The following NAV1 variants were observed in gnomAD, a reference collection of about 807,000 sequenced individuals.
NAV1 encodes the protein pore membrane and/or filament interacting like protein 3.
In NAV1, 18 loss-of-function variants were observed where a neutral mutation model predicts 175.2. The ratio of observed to expected loss-of-function variants is 0.10; its 90% CI spans 0.07 to 0.15. The LOEUF is 0.15. Ranked by LOEUF, NAV1 falls within the 10% of genes least tolerant of loss-of-function variation. The probability of loss-of-function intolerance (pLI) is 1.00; values close to 1 mark genes in which losing one functional copy is unlikely to be tolerated. For synonymous variants in NAV1, 897 were observed against 978.7 expected (o/e 0.92, Z 1.56); for missense variants, 1,731 against 2,436.6 (o/e 0.71, Z 6.10).
rs566404872 is a variant in NAV1, at chr1:201,672,793, T to C, written c.757+23368T>C. Among the ~76,000 whole-genome samples, 5 of 152,348 alleles carry C rather than the reference T, an allele frequency of 3.3e-5. No individual in the cohort carries two copies. The East Asian group carries it at 9.6e-4, about 29-fold the overall frequency. On this transcript the variant is annotated intron_variant, in intron 1 of 29. Coordinates refer to ENST00000367296, the Ensembl canonical transcript of NAV1. ...GGTCAGAGCAGGACTCAGATGCTTC[T>C]GGAAGGCAAGCTTGGTTTGCATGTT...
intron 3 of NAV1, among the ~76,000 whole-genome samples, chr1:201,773,970 G>A (rs1199558657): frequency 1.3e-5 from 2 of 152,104 alleles, no homozygotes; most frequent in South Asian, 2.1e-4. Context: ...ATAAGAACTC[G>A]CCCCAAATAA....
intron 1 of NAV1, among the ~76,000 whole-genome samples, chr1:201,691,692 G>A (rs899984354): frequency 5.9e-5 from 9 of 152,290 alleles, no homozygotes; most frequent in South Asian, 2.1e-4. Flanking sequence ...GGCTTAGGAC[G>A]CCGTGGAATC....
intron 1 of NAV1, among the ~76,000 whole-genome samples, chr1:201,565,115 C>G (rs926904263): frequency 6.6e-6 from 1 of 152,058 alleles, no homozygotes; most frequent in East Asian, 1.9e-4. Context: ...CTTTGGGGTC[C>G]GTTATTCTGC....
chr1:201,794,680 C>A, intron 15 of NAV1, 103 bp downstream of exon 19: 1 of 1,049,096 alleles, frequency 9.5e-7, no homozygotes, highest in East Asian at 2.6e-5. Flanking sequence ...TATATCAAGT[C>A]TCTAGAAGGT....
intron 2 of NAV1, among the ~76,000 whole-genome samples, chr1:201,717,562 C>A (rs573386990): frequency 3.9e-5 from 6 of 152,362 alleles, no homozygotes; most frequent in African/African-American, 1.4e-4. Context: ...CCAGCACTCA[C>A]CTGGGCATTG....
chr1:201,546,202 A>T (rs1665668120), intron 1 of NAV1, among the ~76,000 whole-genome samples: 1 of 152,208 alleles, frequency 6.6e-6, no homozygotes, highest in Non-Finnish European at 1.5e-5. Context: ...CCAGAGCTTC[A>T]GGAAGAGGGC....
chr1:201,575,382 T>C (rs1051649558), intron 1 of NAV1, among the ~76,000 whole-genome samples: 1 of 152,232 alleles, frequency 6.6e-6, no homozygotes, highest in African/African-American at 2.4e-5. Flanking sequence ...TAGGATCTAG[T>C]CCTGTGCATG....
chr1:201,569,055 G>C (rs576899163), intron 1 of NAV1, among the ~76,000 whole-genome samples: 2 of 152,162 alleles, frequency 1.3e-5, no homozygotes, highest in Non-Finnish European at 2.9e-5. Flanking sequence ...AGGGAGAAGC[G>C]TGTTTCCTTC....
chr1:201,650,545 G>T (rs1283101955), intron 1 of NAV1, among the ~76,000 whole-genome samples: 1 of 152,222 alleles, frequency 6.6e-6, no homozygotes, highest in Admixed American at 6.5e-5. Context: ...GCTGGGAAGG[G>T]GCGTGCCAAT....
In NAV1 at chr1:201,812,474, C is replaced by G. The variant is rs142107177; in HGVS notation, c.5034C>G (p.Thr1678=). The change falls in exon 27 of 30, where the codon ACC becomes ACG. Residue 1678 remains threonine, a synonymous_variant. Transcript: ENST00000367296. The surrounding 1 kb of genome is among the most constrained non-coding windows in gnomAD (Gnocchi z 4.6). ...CCATCCTTGGTGGCAGGATGTTGAC[C>G]TTCTCCAACAACGTGGAGCCAGCCA... 686 of 1,614,120 alleles carry G rather than the reference C, an allele frequency of 4.2e-4. 3 individuals are homozygous for G. In the African/African-American group the frequency reaches 7.1e-3, roughly 17 times the overall value.
chr1:201,626,972 C>A (rs1668346351), intron 1 of NAV1, among the ~76,000 whole-genome samples: 1 of 152,234 alleles, frequency 6.6e-6, no homozygotes, highest in African/African-American at 2.4e-5. Flanking sequence ...TAAAGCCTGC[C>A]TTCCTCAATG....
intron 1 of NAV1, among the ~76,000 whole-genome samples, chr1:201,588,265 G>A (rs1450862288): frequency 6.6e-6 from 1 of 152,198 alleles, no homozygotes; most frequent in African/African-American, 2.4e-5. Context: ...CTCCAACATG[G>A]ATAAATCTTG....
At chr1:201,744,767 A>G (rs1286157257) in intron 3 of NAV1, among the ~76,000 whole-genome samples, 1 of 152,182 alleles carries the variant, frequency 6.6e-6, no homozygotes, top group Non-Finnish European at 1.5e-5. Flanking sequence ...AAGAGGGGGA[A>G]GTTTTTCCCA....
chr1:201,819,846 C>T, exon 30 of NAV1: 1 of 1,614,108 alleles, frequency 6.2e-7, no homozygotes, highest in African/African-American at 1.3e-5. Flanking sequence ...GATGGCCATG[C>T]TGCTGAAACT....
intron 15 of NAV1, chr1:201,797,497 C>T (rs1353623110): frequency 4.6e-5 from 7 of 152,138 alleles, no homozygotes; most frequent in Non-Finnish European, 1.0e-4. Context: ...TTTGGCTACT[C>T]TGTGTCCTTT....
chr1:201,791,030 A>G (rs1056553859), intron 13 of NAV1: 9 of 419,148 alleles, frequency 2.1e-5, no homozygotes, highest in African/African-American at 1.6e-4. Context: ...AGCTCCCTAG[A>G]GAAAGAGAAG....
intron 1 of NAV1, among the ~76,000 whole-genome samples, chr1:201,550,493 AT>A (rs761919618): frequency 5.9e-5 from 9 of 152,200 alleles, no homozygotes; most frequent in Non-Finnish European, 1.2e-4. Flanking sequence ...TTTTAAAAGT[AT>A]TTGGTTATCA....
At chr1:201,817,611 G>A (rs1679131804) in intron 29 of NAV1, among the ~76,000 whole-genome samples, 1 of 152,116 alleles carries the variant, frequency 6.6e-6, no homozygotes, top group Non-Finnish European at 1.5e-5. Context: ...GGGTTATAAA[G>A]ATCATATGCC....
At chr1:201,697,054 T>C (rs1486104634) in intron 1 of NAV1, among the ~76,000 whole-genome samples, 2 of 152,240 alleles carry the variant, frequency 1.3e-5, no homozygotes, top group Admixed American at 6.5e-5. Flanking sequence ...AGTCTCACTG[T>C]AGGAATTCTC....
Sources: gnomAD v4.1 joint callset for allele counts (sites outside exome capture counted in the v4.1 genomes callset) on GRCh38, gnomAD v4.1.1 for gene constraint, Gnocchi (gnomAD v3.1) non-coding constraint, MANE v1.5 for transcripts, NCBI Gene and HGNC (gene_info 2026-07-23, HGNC 2026-07-21) for gene names.